The following RNF144A variants were observed in gnomAD, a reference collection of about 807,000 sequenced individuals.
RNF144A encodes ring finger protein 144A.
In RNF144A, 11 loss-of-function variants were observed where a neutral mutation model predicts 38.7. The ratio of observed to expected loss-of-function variants is 0.28; its 90% CI spans 0.18 to 0.47. RNF144A has a LOEUF of 0.47. Ranked by LOEUF, RNF144A falls within the 20% of genes least tolerant of loss-of-function variation. The probability of loss-of-function intolerance (pLI) is 0.99; values close to 1 mark genes in which losing one functional copy is unlikely to be tolerated. For missense variants in RNF144A, 316 were observed against 377.2 expected (o/e 0.84, Z 1.34); for synonymous variants, 149 against 143.9 (o/e 1.04, Z -0.25).
chr2:7,011,030 G>C (rs1156382050), intron 3 of RNF144A, among the ~76,000 whole-genome samples: 3 of 152,322 alleles, frequency 2.0e-5, no homozygotes, highest in South Asian at 4.1e-4. Flanking sequence ...GGGGTTGACT[G>C]ACACTATGCC....
At chr2:6,982,041 G>A (rs1316270505) in intron 2 of RNF144A, among the ~76,000 whole-genome samples, 2 of 152,072 alleles carry the variant, frequency 1.3e-5, no homozygotes, top group Non-Finnish European at 2.9e-5. Context: ...ATCGGATCTC[G>A]TGAGATCTCC....
intron 3 of RNF144A, among the ~76,000 whole-genome samples, 182 bp downstream of exon 3, chr2:6,997,243 G>C (rs1669808984): frequency 1.3e-5 from 2 of 152,208 alleles, no homozygotes; most frequent in Admixed American, 6.5e-5. Flanking sequence ...TCCCAGAGTG[G>C]AAGATTTCCA....
intron 6 of RNF144A, among the ~76,000 whole-genome samples, chr2:7,021,938 C>T (rs1671560474): frequency 6.6e-6 from 1 of 152,200 alleles, no homozygotes; most frequent in Admixed American, 6.5e-5. Context: ...AATTATTGTC[C>T]AAAGATGATC....
chr2:6,950,031 G>A (rs1195592820), intron 2 of RNF144A, among the ~76,000 whole-genome samples: 1 of 152,042 alleles, frequency 6.6e-6, no homozygotes, highest in African/African-American at 2.4e-5. Context: ...ACAGGATTCT[G>A]CCATATTACT....
At chr2:6,999,009 C>T (rs1208318744) in intron 3 of RNF144A, among the ~76,000 whole-genome samples, 1 of 152,082 alleles carries the variant, frequency 6.6e-6, no homozygotes, top group Non-Finnish European at 1.5e-5. Flanking sequence ...TTTGCTGAGG[C>T]CTTCATTTTT....
chr2:6,957,625 T>G (rs1667093221), intron 2 of RNF144A, among the ~76,000 whole-genome samples: 1 of 152,144 alleles, frequency 6.6e-6, no homozygotes, highest in African/African-American at 2.4e-5. Flanking sequence ...CTGCACACTT[T>G]TGCATAGAGC....
intron 8 of RNF144A, among the ~76,000 whole-genome samples, chr2:7,033,884 C>T (rs1672485783): frequency 6.6e-6 from 1 of 152,196 alleles, no homozygotes; most frequent in African/African-American, 2.4e-5. Context: ...TCGCGAATGA[C>T]CCGTTTGGCC....
At chr2:7,022,646 G>T (rs1671610915) in intron 6 of RNF144A, among the ~76,000 whole-genome samples, 2 of 152,312 alleles carry the variant, frequency 1.3e-5, no homozygotes, top group South Asian at 4.1e-4. Context: ...GTCACACCTG[G>T]CTTTCAAACC....
At chr2:7,015,567 C>T (rs1671082641) in intron 5 of RNF144A, among the ~76,000 whole-genome samples, 1 of 152,180 alleles carries the variant, frequency 6.6e-6, no homozygotes, top group Non-Finnish European at 1.5e-5. Flanking sequence ...AAGCATTAAG[C>T]CATGTGGAAT....
At chr2:6,973,405 A>G (rs1668109441) in intron 2 of RNF144A, among the ~76,000 whole-genome samples, 1 of 152,216 alleles carries the variant, frequency 6.6e-6, no homozygotes, top group South Asian at 2.1e-4. Context: ...TCTCCTGTGT[A>G]TATCGGCATG....
intron 2 of RNF144A, among the ~76,000 whole-genome samples, chr2:6,956,189 C>T (rs1432189435): frequency 6.6e-6 from 1 of 152,004 alleles, no homozygotes; most frequent in African/African-American, 2.4e-5. Flanking sequence ...TTGTGTCAGA[C>T]ACCCAGGAGT....
Position 6,970,397 on chromosome 2 carries a change from C to T in RNF144A, c.-11-26519C>T, listed in dbSNP as rs116643117. Among the ~76,000 whole-genome samples, 383 of 152,310 alleles carry T rather than the reference C, an allele frequency of 2.5e-3. 3 individuals are homozygous for T. The highest frequency in any genetic ancestry group is 8.9e-3 in the African/African-American group (372 of 41,572). ...ATGTGAGTTGGTCCTCCTTGCCTTT[C>T]ACCATGATTGCGAAGCCTCCCCAGC... On this transcript the variant is annotated intron_variant, in intron 2 of 8. Transcript: ENST00000320892.
chr2:7,003,384 T>G (rs1670241153), intron 3 of RNF144A, among the ~76,000 whole-genome samples: 1 of 152,222 alleles, frequency 6.6e-6, no homozygotes, highest in Non-Finnish European at 1.5e-5. Context: ...GTAAGCGCCC[T>G]GTATAAGTAT....
intron 6 of RNF144A, among the ~76,000 whole-genome samples, chr2:7,050,672 G>A (rs934646771): frequency 6.6e-6 from 1 of 152,156 alleles, no homozygotes; most frequent in African/African-American, 2.4e-5. Context: ...CTTCACCGTT[G>A]CCTATATTTC....
intron 2 of RNF144A, among the ~76,000 whole-genome samples, chr2:6,972,056 G>C (rs1217365639): frequency 6.6e-6 from 1 of 152,100 alleles, no homozygotes; most frequent in African/African-American, 2.4e-5. Context: ...CTCCCCCCAG[G>C]GTTCCGATCC....
intron 2 of RNF144A, among the ~76,000 whole-genome samples, chr2:6,942,636 A>G (rs977228166): frequency 6.6e-6 from 1 of 152,194 alleles, no homozygotes; most frequent in African/African-American, 2.4e-5. Flanking sequence ...ACTAGGTGGA[A>G]TTGTCACCAG....
rs1203677390 is a variant in RNF144A, at chr2:6,941,705, T to C, written c.-12+558T>C. On this transcript the variant is annotated intron_variant, in intron 2 of 8. Transcript: ENST00000320892. The surrounding 1 kb of genome is among the most constrained non-coding windows in gnomAD (Gnocchi z 6.5). Reference sequence around the variant, plus strand: ...ACCATGTCTAGTACGACGGGGCAGGTTGCAGTTTTAAGTGGAGTGGTCAGG... The same window carrying C: ...ACCATGTCTAGTACGACGGGGCAGGCTGCAGTTTTAAGTGGAGTGGTCAGG... Among the ~76,000 whole-genome samples the C allele has an allele frequency of 3.9e-5, 6 of 152,230 alleles. No individual in the cohort carries two copies. In the East Asian group the frequency reaches 1.2e-3, roughly 29 times the overall value.
At chr2:7,031,579 G>A (rs1344571118) in intron 8 of RNF144A, among the ~76,000 whole-genome samples, 3 of 152,206 alleles carry the variant, frequency 2.0e-5, no homozygotes, top group East Asian at 1.9e-4. Context: ...CCTGCTCCTC[G>A]AGAGGCGTGA....
intron 3 of RNF144A, among the ~76,000 whole-genome samples, chr2:7,011,652 T>C (rs1320032493): frequency 6.6e-6 from 1 of 152,242 alleles, no homozygotes; most frequent in Non-Finnish European, 1.5e-5. Flanking sequence ...ATGAGTGCAG[T>C]AGTAGGAAAA....
Sources: allele counts gnomAD v4.1 joint callset (sites outside exome capture counted in the v4.1 genomes callset), GRCh38; gene constraint gnomAD v4.1.1; non-coding constraint Gnocchi (gnomAD v3.1); transcripts MANE v1.5; gene names NCBI Gene and HGNC (gene_info 2026-07-23, HGNC 2026-07-21).